IL1RAPL1: variants seen among roughly 807,000 people sequenced by gnomAD.
The protein encoded by IL1RAPL1 is interleukin 1 receptor accessory protein like 1, also known as interleukin-1 receptor accessory protein-like 1.
In IL1RAPL1, 3 loss-of-function variants were observed where a neutral mutation model predicts 48.4. That is an observed-to-expected ratio of 0.06 (90% CI 0.03 to 0.16). The LOEUF (loss-of-function observed/expected upper bound fraction) is 0.16, where lower values mean the gene tolerates loss of function less well. IL1RAPL1 is among the 10% of genes least tolerant of loss of function. The pLI is 1.00. For missense variants in IL1RAPL1, 349 were observed against 530.6 expected (o/e 0.66, Z 3.36); for synonymous variants, 185 against 187.7 (o/e 0.99, Z 0.12).
chrX:29,228,395 C>T (rs1259444716), intron 2 of IL1RAPL1, among the ~76,000 whole-genome samples: 1 of 99,122 alleles, frequency 1.0e-5, no homozygotes, highest in East Asian at 3.2e-4. Context: ...CACCCTGTTA[C>T]CCAGGCTGGA....
chrX:29,512,920 T>C (rs185757729), intron 5 of IL1RAPL1, among the ~76,000 whole-genome samples: 1 of 112,018 alleles, frequency 8.9e-6, no homozygotes, highest in Non-Finnish European at 1.9e-5. Context: ...CTGTACTGTT[T>C]GTCTGACTTA....
chrX:28,668,553 C>A (rs998427164), intron 1 of IL1RAPL1, among the ~76,000 whole-genome samples: 1 of 113,504 alleles, frequency 8.8e-6, no homozygotes, highest in Non-Finnish European at 1.9e-5. Flanking sequence ...CCACCGCACC[C>A]GGCCAAGAAT....
chrX:29,611,798 G>A (rs183442076), intron 5 of IL1RAPL1, among the ~76,000 whole-genome samples: 58 of 110,833 alleles, frequency 5.2e-4, no homozygotes, highest in Non-Finnish European at 8.9e-4. Context: ...AGTGATGGAG[G>A]TGGCTCTCAG....
In IL1RAPL1 at chrX:29,260,642, G is replaced by A. The variant is rs138230292; in HGVS notation, c.83-22296G>A. On this transcript the variant is annotated intron_variant, in intron 2 of 10. Coordinates refer to ENST00000378993, the MANE Select transcript of IL1RAPL1 (RefSeq NM_014271.4). The stretch of plus-strand genomic sequence containing the variant: ...ACAGTCAAACCACACCAATCACGTC[G>A]GTAAGGGTGAGTCAAATGGCTAGTG... 2.1e-3 allele frequency among the ~76,000 whole-genome samples: 233 copies of A among 111,591 alleles called. 1 individual carries two copies. The highest frequency in any genetic ancestry group is 6.4e-3 in the African/African-American group (198 of 30,782).
intron 5 of IL1RAPL1, among the ~76,000 whole-genome samples, chrX:29,524,167 C>T (rs1347679624): frequency 4.3e-5 from 4 of 92,095 alleles, no homozygotes; most frequent in Non-Finnish European, 6.3e-5. Context: ...GGTTTATTCT[C>T]ATTTCACTTG....
intron 1 of IL1RAPL1, among the ~76,000 whole-genome samples, chrX:28,655,405 CAG>C (rs1361814007): frequency 9.0e-6 from 1 of 110,593 alleles, no homozygotes; most frequent in Non-Finnish European, 1.9e-5. Flanking sequence ...CATACATGTG[CAG>C]GTTGTTATAT....
At chrX:28,771,145 G>T (rs1936302401) in intron 1 of IL1RAPL1, among the ~76,000 whole-genome samples, 1 of 111,703 alleles carries the variant, frequency 9.0e-6, no homozygotes, top group Non-Finnish European at 1.9e-5. Context: ...AAGGGCAGCA[G>T]GCTTTTTAAT....
At chrX:28,826,615 T>G (rs1176781384) in intron 2 of IL1RAPL1, among the ~76,000 whole-genome samples, 1 of 111,430 alleles carries the variant, frequency 9.0e-6, no homozygotes, top group Non-Finnish European at 1.9e-5. Context: ...TTTGTGATTC[T>G]CTGGCACCTA....
chrX:29,205,837 C>T (rs1286101936), intron 2 of IL1RAPL1, among the ~76,000 whole-genome samples: 3 of 109,610 alleles, frequency 2.7e-5, no homozygotes, highest in Middle Eastern at 4.7e-3. Flanking sequence ...CGGGTTCAAG[C>T]GATTCTCCTG....
intron 2 of IL1RAPL1, among the ~76,000 whole-genome samples, chrX:29,191,613 G>A (rs1355619900): frequency 9.0e-6 from 1 of 111,539 alleles, no homozygotes; most frequent in African/African-American, 3.3e-5. Flanking sequence ...TTCAAACCAG[G>A]TTTTGGATTC....
At chrX:29,315,922 A>G (rs1473023221) in intron 3 of IL1RAPL1, among the ~76,000 whole-genome samples, 1 of 112,082 alleles carries the variant, frequency 8.9e-6, no homozygotes, top group African/African-American at 3.2e-5. Context: ...GGGATAAAGA[A>G]GAAAGAGAGA....
chrX:29,117,927 G>A (rs1928708044), intron 2 of IL1RAPL1, among the ~76,000 whole-genome samples: 3 of 111,745 alleles, frequency 2.7e-5, no homozygotes, highest in African/African-American at 9.7e-5. Flanking sequence ...ATTCATTGCA[G>A]TACCTATTGA....
intron 1 of IL1RAPL1, among the ~76,000 whole-genome samples, chrX:28,780,193 A>C (rs1316156113): frequency 1.8e-5 from 2 of 111,206 alleles, no homozygotes; most frequent in Non-Finnish European, 3.8e-5. Context: ...CCACCTTTCC[A>C]TGGAAAGGAT....
intron 2 of IL1RAPL1, among the ~76,000 whole-genome samples, chrX:29,080,294 A>T (rs1202171132): frequency 9.1e-6 from 1 of 110,187 alleles, no homozygotes; most frequent in Non-Finnish European, 1.9e-5. Context: ...TGGGAGGATC[A>T]CTTGAGCCCG....
chrX:29,730,677 C>T (rs1927894360), intron 6 of IL1RAPL1, among the ~76,000 whole-genome samples: 1 of 112,161 alleles, frequency 8.9e-6, no homozygotes, highest in Admixed American at 9.5e-5. Context: ...GGCCAGCAGT[C>T]ATGAACACTA....
chrX:29,013,464 A>G (rs1417163646), intron 2 of IL1RAPL1, among the ~76,000 whole-genome samples: 1 of 112,204 alleles, frequency 8.9e-6, no homozygotes, highest in African/African-American at 3.2e-5. Context: ...TGGAATCAAT[A>G]TAAATGCCCA....
chrX:28,753,906 A>G (rs1227823602), intron 1 of IL1RAPL1, among the ~76,000 whole-genome samples: 2 of 104,864 alleles, frequency 1.9e-5, no homozygotes, highest in African/African-American at 7.7e-5. Flanking sequence ...CAGGGAGGGA[A>G]GGAAGGAGGG....
chrX:29,165,696 A>G (rs1254495489), intron 2 of IL1RAPL1, among the ~76,000 whole-genome samples: 2 of 111,869 alleles, frequency 1.8e-5, no homozygotes, highest in Non-Finnish European at 3.8e-5. Flanking sequence ...AATCCCTAGG[A>G]CAGTGATTTC....
chrX:28,842,634 CTT>C (rs1485256689), intron 2 of IL1RAPL1, among the ~76,000 whole-genome samples: 1 of 111,329 alleles, frequency 9.0e-6, no homozygotes, highest in Non-Finnish European at 1.9e-5. Flanking sequence ...GTTGTGGACA[CTT>C]TGTCAATATT....
Sources: gnomAD v4.1 joint callset for allele counts (sites outside exome capture counted in the v4.1 genomes callset) on GRCh38, gnomAD v4.1.1 for gene constraint, MANE v1.5 for transcripts, NCBI Gene and HGNC (gene_info 2026-07-23, HGNC 2026-07-21) for gene names.